SSBP3: variants seen among roughly 807,000 people sequenced by gnomAD.
SSBP3 encodes single stranded DNA binding protein 3.
SSBP3 carries 5 observed loss-of-function variants against 69.6 expected under a neutral mutation model. The ratio of observed to expected loss-of-function variants is 0.07; its 90% CI spans 0.04 to 0.15. The LOEUF (loss-of-function observed/expected upper bound fraction) is 0.15, where lower values mean the gene tolerates loss of function less well. SSBP3 is among the 10% of genes least tolerant of loss of function. SSBP3 has a pLI of 1.00. For synonymous variants in SSBP3, 196 were observed against 193.4 expected (o/e 1.01, Z -0.11); for missense variants, 312 against 534.0 (o/e 0.58, Z 4.10).
chr1:54,288,059 G>A (rs116069437), intron 4 of SSBP3, among the ~76,000 whole-genome samples: 70 of 152,328 alleles, frequency 4.6e-4, no homozygotes, highest in African/African-American at 1.7e-3. Context: ...TCCAACAGTA[G>A]ATGCCCCAAG....
At chr1:54,259,173 G>A (rs1273622666) in intron 5 of SSBP3, among the ~76,000 whole-genome samples, 5 of 119,982 alleles carry the variant, frequency 4.2e-5, no homozygotes, top group East Asian at 4.7e-4. Flanking sequence ...CCCCTACCCC[G>A]CCCCAGAAGA....
At chr1:54,240,099 C>T (rs71503618) in intron 13 of SSBP3, among the ~76,000 whole-genome samples, 58,781 of 104,896 alleles carry the variant, frequency 0.56, 12,996 homozygotes, top group South Asian at 0.61. Flanking sequence ...CGCGCGCGCG[C>T]GTGTGCGTGC....
intron 1 of SSBP3, 22 bp from the exon 2 acceptor site, chr1:54,404,952 A>AAG (rs755056121): frequency 6.2e-7 from 1 of 1,607,046 alleles, no homozygotes; most frequent in East Asian, 2.2e-5. Flanking sequence ...ACAGGGGGCA[A>AAG]AGAGAGAGAG....
intron 4 of SSBP3, among the ~76,000 whole-genome samples, chr1:54,295,888 A>G (rs17390412): frequency 0.021 from 3,179 of 152,008 alleles, 64 homozygotes; most frequent in Non-Finnish European, 0.034. Flanking sequence ...TGATTTATTC[A>G]CCCTCCAATC....
chr1:54,331,148 T>C (rs1194394040), intron 4 of SSBP3, among the ~76,000 whole-genome samples: 2 of 152,182 alleles, frequency 1.3e-5, no homozygotes, highest in East Asian at 1.9e-4. Flanking sequence ...AACCTCCGCA[T>C]GTAACGTCCT....
intron 5 of SSBP3, among the ~76,000 whole-genome samples, chr1:54,275,448 G>A (rs1408788613): frequency 2.0e-5 from 3 of 152,240 alleles, no homozygotes; most frequent in South Asian, 4.1e-4. Flanking sequence ...CAGGAGGAAT[G>A]TCCGCTCCCT....
chr1:54,242,035 C>T (rs201279562), intron 11 of SSBP3, 129 bp downstream of exon 11: 2 of 1,121,484 alleles, frequency 1.8e-6, no homozygotes, highest in East Asian at 2.4e-5. Flanking sequence ...CGGCCTTCTC[C>T]CTAGAAGCAT....
chr1:54,391,344 T>C (rs921452607), intron 4 of SSBP3, among the ~76,000 whole-genome samples: 36 of 152,222 alleles, frequency 2.4e-4, no homozygotes, highest in African/African-American at 8.7e-4. Context: ...TCAGATCTTG[T>C]ACCTTGGTCA....
chr1:54,383,529 C>T (rs971309896), intron 4 of SSBP3, among the ~76,000 whole-genome samples: 1 of 152,232 alleles, frequency 6.6e-6, no homozygotes, highest in Non-Finnish European at 1.5e-5. Context: ...AAGCCACCCA[C>T]ACTGGAATCT....
At chr1:54,238,163 C>T (rs1169500800) in intron 14 of SSBP3, 1 of 471,060 alleles carries the variant, frequency 2.1e-6, no homozygotes, top group African/African-American at 2.0e-5. Context: ...CAGAGGGCTG[C>T]TGGATGTAGG....
At chr1:54,352,231 A>G (rs1424038353) in intron 4 of SSBP3, among the ~76,000 whole-genome samples, 3 of 148,182 alleles carry the variant, frequency 2.0e-5, no homozygotes, top group Non-Finnish European at 4.4e-5. Context: ...CTCAGGGTAC[A>G]TAAAAGGACC....
At chr1:54,240,852 C>G (rs1644622959) in intron 13 of SSBP3, 53 bp downstream of exon 13, 5 of 1,610,892 alleles carry the variant, frequency 3.1e-6, no homozygotes, top group Non-Finnish European at 2.5e-6. Context: ...TCTCTGGCAA[C>G]ATGCCCCACC....
At chr1:54,327,093 C>T (rs977937392) in intron 4 of SSBP3, among the ~76,000 whole-genome samples, 2 of 152,046 alleles carry the variant, frequency 1.3e-5, no homozygotes, top group Non-Finnish European at 2.9e-5. Context: ...GGTGCCTCAT[C>T]TTGGGCCCAG....
chr1:54,371,963 G>A (rs535433979), intron 4 of SSBP3, among the ~76,000 whole-genome samples: 60 of 152,102 alleles, frequency 3.9e-4, no homozygotes, highest in African/African-American at 1.4e-3. Context: ...ATCCTTTCAC[G>A]GACATGGGTT....
chr1:54,353,284 T>C (rs902796859), intron 4 of SSBP3, among the ~76,000 whole-genome samples: 6 of 152,156 alleles, frequency 3.9e-5, no homozygotes, highest in Non-Finnish European at 5.9e-5. Context: ...ATCAGGCCCA[T>C]TGCGAGGGGA....
chr1:54,398,076 A>G (rs1249445774), intron 4 of SSBP3, among the ~76,000 whole-genome samples: 3 of 152,206 alleles, frequency 2.0e-5, no homozygotes, highest in Non-Finnish European at 2.9e-5. Context: ...AGTAAGTGTC[A>G]ATAAAAGCTG....
At position 54,402,856 on chromosome 1, in the gene SSBP3, G is replaced by A. The variant is rs191065542; in HGVS notation, c.192-911C>T. 3.9e-5 allele frequency among the ~76,000 whole-genome samples: 6 copies of A among 152,242 alleles called. No homozygotes were observed. The East Asian group carries it at 7.7e-4, about 20-fold the overall frequency. ...CGGAGTTGTCAGTGATATTAACAAG[G>A]GACCTAAGAAACTCTCCAAATCAGG... On this transcript the variant is annotated intron_variant, in intron 3 of 17. Transcript: ENST00000610401.
intron 4 of SSBP3, among the ~76,000 whole-genome samples, chr1:54,391,689 AAC>A (rs1486050618): frequency 6.6e-6 from 1 of 152,178 alleles, no homozygotes; most frequent in African/African-American, 2.4e-5. Flanking sequence ...GCTTCACCCA[AAC>A]ACACAAAGAG....
intron 9 of SSBP3, among the ~76,000 whole-genome samples, chr1:54,248,499 T>C (rs752353121): frequency 6.6e-5 from 10 of 152,176 alleles, no homozygotes; most frequent in Non-Finnish European, 1.5e-4. Context: ...GACTGTGCTT[T>C]CCAGAACTAA....
Sources: allele counts gnomAD v4.1 joint callset (sites outside exome capture counted in the v4.1 genomes callset), GRCh38; gene constraint gnomAD v4.1.1; transcripts MANE v1.5; gene names NCBI Gene and HGNC (gene_info 2026-07-23, HGNC 2026-07-21).